The following DNAH7 variants were observed in gnomAD, a reference collection of about 807,000 sequenced individuals.
The protein encoded by DNAH7 is dynein axonemal heavy chain 7.
In DNAH7, 397 loss-of-function variants were observed where a neutral mutation model predicts 444.6. The observed-to-expected ratio is 0.89, with a 90% CI of 0.82 to 0.97. The LOEUF (loss-of-function observed/expected upper bound fraction) is 0.97, where lower values mean the gene tolerates loss of function less well. Among genes scored for constraint, DNAH7 ranks in the 50% least tolerant of loss-of-function variants. The pLI is 0.00. For synonymous variants in DNAH7, 1,636 were observed against 1,624.4 expected (o/e 1.01, Z -0.17); for missense variants, 4,902 against 4,800.8 (o/e 1.02, Z -0.62).
intron 1 of DNAH7, chr2:196,063,598 C>A (rs1167132071): frequency 2.0e-5 from 3 of 152,276 alleles, no homozygotes; most frequent in African/African-American, 7.2e-5. Flanking sequence ...TTTTAGCTTT[C>A]TTCACAACTG....
In DNAH7 at chr2:195,928,979, G is replaced by C. The variant is rs1398327753; in HGVS notation, c.3472-2413C>G. The stretch of plus-strand genomic sequence containing the variant: ...GATTCTACACCTAGAAAACCTCAAA[G>C]ACCCCACCAAAAGACTCCTGGAGCT... On this transcript the variant is annotated intron_variant, in intron 21 of 64. Coordinates refer to ENST00000312428, the MANE Select transcript of DNAH7 (RefSeq NM_018897.3). Among the ~76,000 whole-genome samples the C allele has an allele frequency of 2.6e-5, 4 of 152,128 alleles. No individual in the cohort carries two copies. The East Asian group carries it at 5.8e-4, about 22-fold the overall frequency.
Position 195,943,202 on chromosome 2 carries a change from G to T in DNAH7, c.3079-6410C>A, listed in dbSNP as rs532934048. 1.7e-3 allele frequency among the ~76,000 whole-genome samples: 257 copies of T among 152,220 alleles called. 3 individuals are homozygous for T. The highest frequency in any genetic ancestry group is 6.0e-3 in the South Asian group (29 of 4,822). ...AACCTCTTTCCTTTGTAAATTACCTGGTCTCAGGCATGTCTTTATTAGCAG... is the reference window on the plus strand; with the variant it reads ...AACCTCTTTCCTTTGTAAATTACCTTGTCTCAGGCATGTCTTTATTAGCAG... On this transcript the variant is annotated intron_variant, in intron 19 of 64. Transcript: ENST00000312428.
At position 195,790,415 on chromosome 2, in the gene DNAH7, C is replaced by A. The variant is rs187020277; in HGVS notation, c.10717-3244G>T. ...ATACCAGAGTCATCGTATTCCCCAA[C>A]TTTAAATTATATTACAAGGCTACAG... On this transcript the variant is annotated intron_variant, in intron 57 of 64. Coordinates refer to ENST00000312428, the MANE Select transcript of DNAH7 (RefSeq NM_018897.3). Among the ~76,000 whole-genome samples, 4 of 150,176 alleles carry A rather than the reference C, an allele frequency of 2.7e-5. No homozygotes were observed. The East Asian group carries it at 7.8e-4, about 29-fold the overall frequency.
At chr2:195,906,181 A>G (rs145654102) in intron 27 of DNAH7, among the ~76,000 whole-genome samples, 4 of 152,258 alleles carry the variant, frequency 2.6e-5, no homozygotes, top group African/African-American at 9.6e-5. Flanking sequence ...TAAGCAGTAG[A>G]ATGGGTACAC....
Position 195,834,222 on chromosome 2 carries a change from G to T in DNAH7, c.9084C>A (p.Ile3028=). 1 of 1,605,546 alleles carries T rather than the reference G, an allele frequency of 6.2e-7. No individual in the cohort carries two copies. Among genetic ancestry groups the T allele is most frequent in the South Asian group, 1.1e-5 (1 of 90,192 alleles). ...ACTACATACCAGGAGTACCAAACTG[G>T]ATGCAATTTTCCAGAGTCCTGACAT... The part of the protein sequence containing the change: ...PDYVRTLENC[I]QFGTPVLLEN... Residue 3028 remains isoleucine (I), a synonymous_variant, in exon 48 of 65, where the codon ATC becomes ATA. Coordinates refer to ENST00000312428, the MANE Select transcript of DNAH7 (RefSeq NM_018897.3).
intron 10 of DNAH7, among the ~76,000 whole-genome samples, chr2:196,007,913 C>T (rs1453527801): frequency 6.6e-6 from 1 of 151,816 alleles, no homozygotes; most frequent in Admixed American, 6.6e-5. Flanking sequence ...CACAAACAAC[C>T]AAAGAAAAAA....
At chr2:195,963,282 G>GT (rs1422238416) in intron 17 of DNAH7, among the ~76,000 whole-genome samples, 5 of 152,124 alleles carry the variant, frequency 3.3e-5, no homozygotes, top group African/African-American at 1.2e-4. Context: ...GTTATTGACT[G>GT]TTTTTTGAAT....
chr2:195,957,990 CT>C (rs1201166189), intron 18 of DNAH7, among the ~76,000 whole-genome samples: 5 of 152,058 alleles, frequency 3.3e-5, no homozygotes, highest in Non-Finnish European at 7.4e-5. Context: ...CTTTAATGTT[CT>C]TTTTCCCCCC....
intron 63 of DNAH7, among the ~76,000 whole-genome samples, chr2:195,751,070 C>A (rs1004499605): frequency 6.6e-6 from 1 of 152,022 alleles, no homozygotes; most frequent in Non-Finnish European, 1.5e-5. Flanking sequence ...AATAACTTAG[C>A]AGAAGGTTGT....
At chr2:195,913,423 G>A (rs1189961390) in intron 24 of DNAH7, among the ~76,000 whole-genome samples, 1 of 152,018 alleles carries the variant, frequency 6.6e-6, no homozygotes, top group African/African-American at 2.4e-5. Flanking sequence ...CGTATCAAAT[G>A]AGATAAATGA....
Position 195,771,854 on chromosome 2 carries a change from C to T in DNAH7, c.11239G>A (p.Glu3747Lys). The change falls in exon 61 of 65, where the codon GAA (glutamate) becomes AAA (lysine). Residue 3747 changes from glutamate (E) to lysine (K), a missense_variant. Physicochemically the swap from Glu to Lys is moderately conservative, Grantham distance 56 (BLOSUM62 1). Coordinates refer to ENST00000312428, the MANE Select transcript of DNAH7 (RefSeq NM_018897.3). The stretch of plus-strand genomic sequence containing the variant: ...TCACTAGCGACCTCATTCACTACTT[C>T]ATCTGATGATTTTGCACCAGCACCT... ...SAGAGAKSSD[E>K]VVNEVASDIL... is the part of the protein sequence containing the mutation. 1 of 1,614,190 alleles carries T rather than the reference C, an allele frequency of 6.2e-7. No homozygotes were observed. Among genetic ancestry groups the T allele is most frequent in the Non-Finnish European group, 8.5e-7 (1 of 1,180,020 alleles).
intron 24 of DNAH7, among the ~76,000 whole-genome samples, chr2:195,915,264 AC>A (rs1687604491): frequency 6.6e-6 from 1 of 152,194 alleles, no homozygotes; most frequent in South Asian, 2.1e-4. Context: ...GAGAAAGGCT[AC>A]CTGTAAAAGG....
At chr2:195,770,254 G>A (rs1043820554) in intron 61 of DNAH7, among the ~76,000 whole-genome samples, 1 of 152,210 alleles carries the variant, frequency 6.6e-6, no homozygotes, top group Non-Finnish European at 1.5e-5. Context: ...CCTTTCAGCA[G>A]TGGTTAGAGT....
At chr2:196,000,295 A>T (rs1012821760) in intron 12 of DNAH7, among the ~76,000 whole-genome samples, 1 of 152,178 alleles carries the variant, frequency 6.6e-6, no homozygotes, top group Admixed American at 6.5e-5. Flanking sequence ...ATGAGTTGAA[A>T]GTATAAAGGA....
chr2:195,746,637 A>G (rs1693427076), intron 63 of DNAH7, among the ~76,000 whole-genome samples: 1 of 152,266 alleles, frequency 6.6e-6, no homozygotes, highest in African/African-American at 2.4e-5. Context: ...AGAAATTATA[A>G]CAAACTGTCT....
intron 57 of DNAH7, among the ~76,000 whole-genome samples, chr2:195,790,847 T>C (rs1200715743): frequency 6.6e-6 from 1 of 152,136 alleles, no homozygotes; most frequent in Non-Finnish European, 1.5e-5. Flanking sequence ...AAGTGAGACC[T>C]AATTAAACTA....
At chr2:195,798,162 G>A (rs1016178364) in intron 55 of DNAH7, among the ~76,000 whole-genome samples, 16 of 151,946 alleles carry the variant, frequency 1.1e-4, no homozygotes, top group African/African-American at 3.9e-4. Context: ...TTTTGGCCTA[G>A]TAAATTTTTT....
At chr2:195,745,898 C>A (rs1693371134) in intron 63 of DNAH7, among the ~76,000 whole-genome samples, 1 of 152,106 alleles carries the variant, frequency 6.6e-6, no homozygotes, top group African/African-American at 2.4e-5. Flanking sequence ...CAAAATCATG[C>A]CAAATTGTAA....
chr2:195,938,669 A>C (rs1380132905), intron 19 of DNAH7, among the ~76,000 whole-genome samples: 1 of 152,200 alleles, frequency 6.6e-6, no homozygotes, highest in Non-Finnish European at 1.5e-5. Context: ...TATAATTGCC[A>C]AAATAACAAA....
Sources: allele counts gnomAD v4.1 joint callset (sites outside exome capture counted in the v4.1 genomes callset), GRCh38; gene constraint gnomAD v4.1.1; transcripts MANE v1.5; gene names NCBI Gene and HGNC (gene_info 2026-07-23, HGNC 2026-07-21).